The following PDE4D variants were observed in gnomAD, a reference collection of about 807,000 sequenced individuals.
PDE4D encodes phosphodiesterase 4D.
PDE4D carries 24 observed loss-of-function variants against 87.4 expected under a neutral mutation model. That is an observed-to-expected ratio of 0.27 (90% CI 0.20 to 0.39). PDE4D has a LOEUF of 0.39. PDE4D is among the 10% of genes least tolerant of loss of function. The probability of loss-of-function intolerance (pLI) is 1.00; values close to 1 mark genes in which losing one functional copy is unlikely to be tolerated. For missense variants in PDE4D, 714 were observed against 1,041.0 expected, an observed-to-expected ratio of 0.69 and a Z score of 4.32; for synonymous variants, 384 against 383.2, an observed-to-expected ratio of 1.00 and a Z score of -0.02.
chr5:59,050,175 G>A (rs985311670), intron 5 of PDE4D, among the ~76,000 whole-genome samples: 10 of 152,184 alleles, frequency 6.6e-5, no homozygotes, highest in Admixed American at 2.6e-4. Flanking sequence ...GCTGAGGCAG[G>A]AGAATCACTT....
chr5:58,983,362 G>A (rs1745682950), intron 11 of PDE4D, among the ~76,000 whole-genome samples: 1 of 152,224 alleles, frequency 6.6e-6, no homozygotes, highest in South Asian at 2.1e-4. Context: ...TGCCTTTAGT[G>A]TCTGCTCGGA....
chr5:60,442,059 A>G (rs908520710), intron 1 of PDE4D, among the ~76,000 whole-genome samples: 1 of 152,148 alleles, frequency 6.6e-6, no homozygotes, highest in Non-Finnish European at 1.5e-5. Context: ...AGAACCAGAT[A>G]CACCATTTGA....
chr5:60,281,818 G>A (rs1751934022), intron 1 of PDE4D, among the ~76,000 whole-genome samples: 1 of 151,962 alleles, frequency 6.6e-6, no homozygotes, highest in Admixed American at 6.6e-5. Flanking sequence ...GCAGGCAGAT[G>A]GCTTGAGCAC....
chr5:59,310,947 C>T (rs891888405), intron 1 of PDE4D, among the ~76,000 whole-genome samples: 2 of 152,152 alleles, frequency 1.3e-5, no homozygotes, highest in African/African-American at 4.8e-5. Context: ...CCTCACCTAC[C>T]TAAAGGGATA....
At position 58,975,237 on chromosome 5, in the gene PDE4D, TTAAAG is replaced by T. The variant is rs1263995519; in HGVS notation, c.2014-162_2014-158del. On this transcript the variant is annotated intron_variant, in intron 14 of 14. Transcript: ENST00000340635. The surrounding 1 kb of genome is among the most constrained non-coding windows in gnomAD (Gnocchi z 4.2). ...ACTATTTTCAACAACAACAGACCAT[TTAAAG>T]TAAAGTATTGCTACTAGCTGGTCAA... Among the ~76,000 whole-genome samples, 3 of 152,128 alleles carry T rather than the reference TTAAAG, an allele frequency of 2.0e-5. No homozygotes were observed. The highest frequency in any genetic ancestry group is 2.1e-4 in the South Asian group (1 of 4,826).
At chr5:60,243,072 C>T (rs925692909) in intron 1 of PDE4D, among the ~76,000 whole-genome samples, 1 of 151,662 alleles carries the variant, frequency 6.6e-6, no homozygotes, top group African/African-American at 2.4e-5. Context: ...AATAGATTAA[C>T]CTTTAGCCAG....
At chr5:60,210,310 A>T (rs923442292) in intron 1 of PDE4D, among the ~76,000 whole-genome samples, 3 of 152,040 alleles carry the variant, frequency 2.0e-5, no homozygotes, top group Non-Finnish European at 4.4e-5. Flanking sequence ...CAAGCTTTTG[A>T]TTTTTTGATT....
At chr5:60,319,437 C>A (rs904239261) in intron 1 of PDE4D, among the ~76,000 whole-genome samples, 1 of 152,164 alleles carries the variant, frequency 6.6e-6, no homozygotes, top group East Asian at 1.9e-4. Context: ...CGAACTTCCT[C>A]CTTTAGCTCA....
At chr5:59,566,108 T>C (rs977522344) in intron 1 of PDE4D, among the ~76,000 whole-genome samples, 1 of 152,210 alleles carries the variant, frequency 6.6e-6, no homozygotes, top group Non-Finnish European at 1.5e-5. Flanking sequence ...GAAATGAAAG[T>C]GTTAGAAGAC....
At position 60,082,621 on chromosome 5, in the gene PDE4D, A is replaced by G. The variant is rs560070599; in HGVS notation, c.43-93904T>C. On this transcript the variant is annotated intron_variant, in intron 2 of 16. Coordinates refer to the PDE4D transcript ENST00000502484. ...AATTGACCAGAAAGTTACAGGCATC[A>G]TTTGTGCTCACAACTCACTGGCTAG... 1.1e-4 allele frequency among the ~76,000 whole-genome samples: 17 copies of G among 152,138 alleles called. No homozygotes were observed. In the South Asian group the frequency reaches 3.3e-3, roughly 30 times the overall value.
At chr5:60,137,885 C>T (rs997121687) in intron 2 of PDE4D, among the ~76,000 whole-genome samples, 1 of 151,848 alleles carries the variant, frequency 6.6e-6, no homozygotes, top group Non-Finnish European at 1.5e-5. Flanking sequence ...ATGGTATTGC[C>T]CAGATTTTCT....
intron 3 of PDE4D, among the ~76,000 whole-genome samples, chr5:59,982,793 C>T (rs538933112): frequency 1.3e-5 from 2 of 152,324 alleles, no homozygotes; most frequent in South Asian, 4.1e-4. Context: ...TCTGCTAGAA[C>T]ATCCATCTCT....
At chr5:59,113,016 G>T (rs908083755) in intron 5 of PDE4D, among the ~76,000 whole-genome samples, 4 of 151,792 alleles carry the variant, frequency 2.6e-5, no homozygotes, top group Admixed American at 2.0e-4. Context: ...GGTCAGGCTG[G>T]TCTCAAACTC....
In PDE4D at chr5:59,892,329, G is replaced by A. The variant is rs114670907; in HGVS notation, c.455+839C>T. Among the ~76,000 whole-genome samples the A allele has an allele frequency of 3.6e-3, 550 of 152,242 alleles. 5 individuals carry two copies. The highest frequency in any genetic ancestry group is 0.013 in the African/African-American group (525 of 41,536). ...CTGCCCTGTCTTCCGGAGCACTTAC[G>A]TTAAGGGGAAATCACTATAATCAAA... On this transcript the variant is annotated intron_variant, in intron 1 of 14. Transcript: ENST00000340635.
At chr5:59,417,924 G>A (rs995410820) in intron 1 of PDE4D, among the ~76,000 whole-genome samples, 3 of 152,094 alleles carry the variant, frequency 2.0e-5, no homozygotes, top group African/African-American at 4.8e-5. Context: ...TTTTTGAAAA[G>A]CAAAAACAAC....
At chr5:60,174,929 T>C (rs1783783108) in intron 2 of PDE4D, among the ~76,000 whole-genome samples, 4 of 152,138 alleles carry the variant, frequency 2.6e-5, no homozygotes, top group Non-Finnish European at 1.5e-5. Context: ...CTTGATATAC[T>C]TGGAGATTTT....
intron 1 of PDE4D, among the ~76,000 whole-genome samples, chr5:59,463,432 C>G (rs963811886): frequency 1.3e-5 from 2 of 152,120 alleles, no homozygotes; most frequent in Non-Finnish European, 2.9e-5. Flanking sequence ...ATCAAAGATT[C>G]ACATTATAAA....
At chr5:59,595,422 C>A (rs1234773189) in intron 1 of PDE4D, among the ~76,000 whole-genome samples, 1 of 152,074 alleles carries the variant, frequency 6.6e-6, no homozygotes, top group East Asian at 1.9e-4. Context: ...AATTCCATTC[C>A]CAAAAGACAA....
intron 1 of PDE4D, among the ~76,000 whole-genome samples, chr5:59,808,658 A>G (rs1332976301): frequency 1.3e-5 from 2 of 152,176 alleles, no homozygotes; most frequent in Non-Finnish European, 2.9e-5. Context: ...CTGCTCACAC[A>G]TCAAAAGTTT....
Sources: allele counts gnomAD v4.1 joint callset (sites outside exome capture counted in the v4.1 genomes callset), GRCh38; gene constraint gnomAD v4.1.1; non-coding constraint Gnocchi (gnomAD v3.1); transcripts MANE v1.5; gene names NCBI Gene and HGNC (gene_info 2026-07-23, HGNC 2026-07-21).